The following TTLL7 variants were observed in gnomAD, a reference collection of about 807,000 sequenced individuals.
TTLL7 encodes tubulin tyrosine ligase like 7.
Under a neutral mutation model 120.2 loss-of-function variants are expected in TTLL7, and 53 were observed. The ratio of observed to expected loss-of-function variants is 0.44; its 90% CI spans 0.35 to 0.55. The LOEUF is 0.55. Among genes scored for constraint, TTLL7 ranks in the 20% least tolerant of loss-of-function variants. TTLL7 has a pLI of 0.00. For missense variants in TTLL7, 803 were observed against 1,054.7 expected, an observed-to-expected ratio of 0.76 and a Z score of 3.31; for synonymous variants, 353 against 351.7, an observed-to-expected ratio of 1.00 and a Z score of -0.04.
In TTLL7 at chr1:83,865,555, AT is replaced by A. The variant is rs1343573843; in HGVS notation, c.*4406del. 6.6e-6 allele frequency: 1 copy of A among 152,016 alleles called. No individual in the cohort carries two copies. Among genetic ancestry groups the A allele is most frequent in the Non-Finnish European group, 1.5e-5 (1 of 67,882 alleles). 9.4% of individuals were successfully genotyped at this position (152,016 alleles called of 1,614,324 possible). ...GACGAGGTCCAAAAAGCACCAAAAAATGGCAGCAATCTCAAAGTGTGCAGTA... is the reference window on the plus strand; with the variant it reads ...GACGAGGTCCAAAAAGCACCAAAAAAGGCAGCAATCTCAAAGTGTGCAGTA... On this transcript the variant is annotated 3_prime_UTR_variant, in exon 21 of 21. Coordinates refer to ENST00000260505, the MANE Select transcript of TTLL7 (RefSeq NM_024686.6).
intron 1 of TTLL7, among the ~76,000 whole-genome samples, chr1:83,992,860 A>G (rs1653135924): frequency 2.5e-5 from 3 of 118,138 alleles, no homozygotes. Context: ...ACTAGCATGT[A>G]TTTGTTAGTT....
intron 8 of TTLL7, among the ~76,000 whole-genome samples, chr1:83,937,363 G>A (rs918008832): frequency 9.2e-5 from 14 of 151,950 alleles, no homozygotes; most frequent in Non-Finnish European, 1.5e-4. Flanking sequence ...CACCACATCC[G>A]GCTAATTTTT....
rs145636541 is a variant in TTLL7, at chr1:83,892,113, G to A, written c.2209-1632C>T. On this transcript the variant is annotated intron_variant, in intron 18 of 20. Transcript: ENST00000260505. Reference sequence around the variant, plus strand: ...CAAAATGCTGAGATTACAGGCATGCGTCATCACCCCTGGCCATGATACGCT... The same window carrying A: ...CAAAATGCTGAGATTACAGGCATGCATCATCACCCCTGGCCATGATACGCT... Among the ~76,000 whole-genome samples, 1,118 of 151,340 alleles carry A rather than the reference G, an allele frequency of 7.4e-3. 20 individuals carry two copies. The highest frequency in any genetic ancestry group is 0.026 in the African/African-American group (1,069 of 41,260).
intron 7 of TTLL7, among the ~76,000 whole-genome samples, chr1:83,940,359 A>T (rs1224642872): frequency 6.6e-6 from 1 of 152,206 alleles, no homozygotes; most frequent in East Asian, 1.9e-4. Flanking sequence ...CTATGTATTG[A>T]CAAGTCTCAA....
At chr1:83,947,471 A>T in intron 5 of TTLL7, 189 bp from the exon 6 acceptor site, 1 of 491,320 alleles carries the variant, frequency 2.0e-6, no homozygotes, top group Non-Finnish European at 3.5e-6. Flanking sequence ...ATTCTGGACT[A>T]TGGATTCATC....
intron 5 of TTLL7, among the ~76,000 whole-genome samples, chr1:83,948,184 A>AACACACACAC (rs35199174): frequency 8.2e-4 from 121 of 147,458 alleles, no homozygotes; most frequent in African/African-American, 2.1e-3. Context: ...GACACACACA[A>AACACACACAC]ACACACACAC....
At chr1:83,934,696 C>T (rs1168942605) in intron 8 of TTLL7, among the ~76,000 whole-genome samples, 1 of 152,064 alleles carries the variant, frequency 6.6e-6, no homozygotes. Context: ...ATTTTAACTC[C>T]CTCTCTACAG....
chr1:83,997,526 T>C (rs1307382386), intron 1 of TTLL7, among the ~76,000 whole-genome samples: 1 of 152,224 alleles, frequency 6.6e-6, no homozygotes, highest in Non-Finnish European at 1.5e-5. Context: ...CTAAACTGAC[T>C]AAGAGTCAAG....
chr1:83,913,068 C>T (rs1657813826), intron 14 of TTLL7: 1 of 152,108 alleles, frequency 6.6e-6, no homozygotes, highest in African/African-American at 2.4e-5. Context: ...GGGAAACGTA[C>T]AGCTGAGCCT....
chr1:83,982,659 C>T (rs577989173), intron 1 of TTLL7, among the ~76,000 whole-genome samples: 2 of 152,142 alleles, frequency 1.3e-5, no homozygotes, highest in Admixed American at 1.3e-4. Flanking sequence ...GGAGATAACA[C>T]AAAAATGGAA....
At chr1:83,892,367 TACGA>T (rs1451153142) in intron 18 of TTLL7, among the ~76,000 whole-genome samples, 8 of 127,330 alleles carry the variant, frequency 6.3e-5, no homozygotes, top group African/African-American at 2.1e-4. Context: ...TGAATATATA[TACGA>T]ATATATATGA....
chr1:83,981,748 T>C (rs943560647), intron 1 of TTLL7, among the ~76,000 whole-genome samples: 4 of 150,780 alleles, frequency 2.7e-5, no homozygotes, highest in African/African-American at 9.8e-5. Flanking sequence ...AGGAGAATGG[T>C]GTGAACCCGG....
In TTLL7 at chr1:83,866,677, G is replaced by A. The variant is rs1464903680; in HGVS notation, c.*3285C>T. The A allele has an allele frequency of 6.6e-6, 1 of 151,838 alleles. No individual in the cohort carries two copies. Among genetic ancestry groups the A allele is most frequent in the African/African-American group, 2.4e-5 (1 of 41,428 alleles). 9.4% of individuals were successfully genotyped at this position (151,838 alleles called of 1,614,324 possible). Reference sequence around the variant, plus strand: ...CTATGTTCTAGGCAGAGTTACCATTGCCATTTCCATATTTGATCCTGTTAC... The same window carrying A: ...CTATGTTCTAGGCAGAGTTACCATTACCATTTCCATATTTGATCCTGTTAC... On this transcript the variant is annotated 3_prime_UTR_variant, in exon 21 of 21. Transcript: ENST00000260505.
intron 18 of TTLL7, among the ~76,000 whole-genome samples, chr1:83,895,977 T>G (rs1272760613): frequency 6.6e-6 from 1 of 152,094 alleles, no homozygotes; most frequent in Non-Finnish European, 1.5e-5. Context: ...AGACAATGAC[T>G]GTACTTTTAG....
chr1:83,931,846 C>T (rs965470903), intron 9 of TTLL7, among the ~76,000 whole-genome samples: 1 of 152,178 alleles, frequency 6.6e-6, no homozygotes, highest in Non-Finnish European at 1.5e-5. Flanking sequence ...CACCTTCTAC[C>T]TTATTCCACT....
rs1017590801 is a variant in TTLL7 at position 83,869,948 on chromosome 1, T to G, written c.*14A>C. 2 of 1,594,464 alleles carry G rather than the reference T, an allele frequency of 1.3e-6. No individual in the cohort carries two copies. Among genetic ancestry groups the G allele is most frequent in the Non-Finnish European group, 1.7e-6 (2 of 1,174,402 alleles). On this transcript the variant is annotated 3_prime_UTR_variant, in exon 21 of 21. Transcript: ENST00000260505. ...TGCTGTTATGTATAACCAATGGCGA[T>G]CTTCCCTTCTGTTTCACAGATGGCC...
intron 1 of TTLL7, among the ~76,000 whole-genome samples, chr1:83,965,896 G>A (rs1204799081): frequency 6.6e-6 from 1 of 152,050 alleles, no homozygotes; most frequent in Non-Finnish European, 1.5e-5. Flanking sequence ...GTAGTAATTG[G>A]TGAGAATGCT....
intron 19 of TTLL7, among the ~76,000 whole-genome samples, chr1:83,884,865 A>C (rs1654850019): frequency 6.6e-6 from 1 of 151,858 alleles, no homozygotes. Context: ...CTAAAACTTA[A>C]AGTATAATAA....
At chr1:83,947,312 T>C (rs1201349095) in intron 5 of TTLL7, 30 bp from the exon 6 acceptor site, 2 of 1,565,358 alleles carry the variant, frequency 1.3e-6, no homozygotes, top group Non-Finnish European at 1.7e-6. Context: ...GGAAAAATAA[T>C]TTCTATTCAA....
Sources: gnomAD v4.1 joint callset for allele counts (sites outside exome capture counted in the v4.1 genomes callset) on GRCh38, gnomAD v4.1.1 for gene constraint, MANE v1.5 for transcripts, NCBI Gene and HGNC (gene_info 2026-07-23, HGNC 2026-07-21) for gene names.